CCDC91: variants seen among roughly 807,000 people sequenced by gnomAD.
CCDC91 encodes the protein coiled-coil domain-containing protein 91.
CCDC91 carries 48 observed loss-of-function variants against 63.2 expected under a neutral mutation model. The observed-to-expected ratio is 0.76, with a 90% confidence interval of 0.60 to 0.97. The LOEUF (loss-of-function observed/expected upper bound fraction) is 0.97, where lower values mean the gene tolerates loss of function less well. Among genes scored for constraint, CCDC91 ranks in the 50% least tolerant of loss-of-function variants. CCDC91 has a pLI of 0.00. For synonymous variants in CCDC91, 167 were observed against 165.8 expected, an observed-to-expected ratio of 1.01 and a Z score of -0.06; for missense variants, 500 against 494.6, an observed-to-expected ratio of 1.01 and a Z score of -0.10.
In CCDC91 at chr12:28,201,424, A is replaced by C. The variant is rs28378747; in HGVS notation, c.-15+10783A>C. ...GGCAGAGGCTCTCCCCACATCTCAG[A>C]CGATGGGCGGCCAGGCAGAGACGCT... On this transcript the variant is annotated intron_variant, in intron 1 of 12. Transcript: ENST00000536442. 4.6e-5 allele frequency among the ~76,000 whole-genome samples: 6 copies of C among 129,264 alleles called. No homozygotes were observed. In the South Asian group the frequency reaches 1.2e-3, roughly 26 times the overall value. The allele number at this position is 129,264 out of a possible 152,430, so 84.8% of individuals were successfully genotyped here.
chr12:28,444,486 A>T (rs1451729562), intron 8 of CCDC91, among the ~76,000 whole-genome samples: 6 of 152,202 alleles, frequency 3.9e-5, no homozygotes, highest in Non-Finnish European at 8.8e-5. Context: ...TTTAAGATGG[A>T]ATACTCTGCA....
chr12:28,445,211 A>G (rs555331587), intron 8 of CCDC91, among the ~76,000 whole-genome samples: 61 of 152,320 alleles, frequency 4.0e-4, no homozygotes, highest in Admixed American at 1.2e-3. Flanking sequence ...ACAGCATATT[A>G]TGGTGGGTAT....
intron 12 of CCDC91, among the ~76,000 whole-genome samples, chr12:28,531,931 G>A (rs556818829): frequency 2.6e-5 from 4 of 152,202 alleles, no homozygotes; most frequent in East Asian, 3.9e-4. Flanking sequence ...TAAGGAAGGA[G>A]CAGGGTAATG....
chr12:28,292,334 T>G (rs1363238239), intron 3 of CCDC91, among the ~76,000 whole-genome samples: 1 of 152,204 alleles, frequency 6.6e-6, no homozygotes, highest in African/African-American at 2.4e-5. Context: ...ATTTCACCCT[T>G]ATGGCTGATT....
intron 8 of CCDC91, among the ~76,000 whole-genome samples, chr12:28,446,810 G>A (rs1949524975): frequency 6.6e-6 from 1 of 152,134 alleles, no homozygotes; most frequent in African/African-American, 2.4e-5. Flanking sequence ...AAAGAACCAA[G>A]TAACTGCAAC....
At chr12:28,512,141 C>T (rs945357432) in intron 12 of CCDC91, among the ~76,000 whole-genome samples, 3 of 151,762 alleles carry the variant, frequency 2.0e-5, no homozygotes, top group African/African-American at 4.8e-5. Context: ...CATTCCTCTG[C>T]GAATAGGTTC....
chr12:28,354,148 G>A (rs973272576), intron 6 of CCDC91, among the ~76,000 whole-genome samples: 2 of 152,168 alleles, frequency 1.3e-5, no homozygotes, highest in African/African-American at 4.8e-5. Context: ...AGAAAATTAT[G>A]TTATGGAGGT....
At chr12:28,345,890 G>T (rs1239646206) in intron 6 of CCDC91, among the ~76,000 whole-genome samples, 1 of 151,910 alleles carries the variant, frequency 6.6e-6, no homozygotes, top group Non-Finnish European at 1.5e-5. Context: ...ACAGTATAAT[G>T]GTTATGTCAG....
At chr12:28,247,007 C>T (rs1945784988) in intron 1 of CCDC91, among the ~76,000 whole-genome samples, 1 of 152,180 alleles carries the variant, frequency 6.6e-6, no homozygotes, top group Non-Finnish European at 1.5e-5. Flanking sequence ...CCTTAGAAGT[C>T]CTCTGATCAG....
intron 8 of CCDC91, among the ~76,000 whole-genome samples, chr12:28,440,588 ATTGAAAAC>A (rs1198247893): frequency 6.6e-6 from 1 of 152,236 alleles, no homozygotes; most frequent in Non-Finnish European, 1.5e-5. Flanking sequence ...GGTTTATCTG[ATTGAAAAC>A]TTGAAAACTT....
At chr12:28,528,750 TG>T (rs1161157414) in intron 12 of CCDC91, among the ~76,000 whole-genome samples, 4 of 152,150 alleles carry the variant, frequency 2.6e-5, no homozygotes, top group African/African-American at 9.7e-5. Flanking sequence ...TTTTTATGTT[TG>T]TTTTTTTAGA....
intron 8 of CCDC91, among the ~76,000 whole-genome samples, chr12:28,407,996 T>G (rs1400601266): frequency 1.3e-5 from 2 of 150,928 alleles, no homozygotes; most frequent in African/African-American, 4.8e-5. Context: ...CTTTAAGTTC[T>G]GGGATACATG....
intron 3 of CCDC91, among the ~76,000 whole-genome samples, chr12:28,287,585 A>G (rs1437661253): frequency 6.6e-6 from 1 of 152,044 alleles, no homozygotes; most frequent in Non-Finnish European, 1.5e-5. Flanking sequence ...TTTTGTAGCA[A>G]TAGCATGCTG....
At chr12:28,503,872 A>G (rs34208133) in intron 12 of CCDC91, among the ~76,000 whole-genome samples, 31,412 of 150,648 alleles carry the variant, frequency 0.21, 4,252 homozygotes, top group Non-Finnish European at 0.31. Context: ...ACTCATAGGT[A>G]GGAATTGAAC....
intron 1 of CCDC91, among the ~76,000 whole-genome samples, chr12:28,240,720 T>G (rs1182367890): frequency 6.6e-6 from 1 of 152,134 alleles, no homozygotes; most frequent in Non-Finnish European, 1.5e-5. Flanking sequence ...TTATAGCTGA[T>G]AAGTATTACA....
At chr12:28,482,210 G>A (rs1951484546) in intron 11 of CCDC91, among the ~76,000 whole-genome samples, 1 of 151,794 alleles carries the variant, frequency 6.6e-6, no homozygotes, top group East Asian at 1.9e-4. Context: ...TTCTAAATTT[G>A]AATAACTTCA....
intron 6 of CCDC91, among the ~76,000 whole-genome samples, chr12:28,340,656 G>A (rs779713994): frequency 4.0e-4 from 61 of 152,126 alleles, no homozygotes; most frequent in Non-Finnish European, 1.6e-4. Context: ...TTGGTGGCCC[G>A]CTACTTATAC....
chr12:28,436,656 G>A (rs1948923655), intron 8 of CCDC91, among the ~76,000 whole-genome samples: 1 of 151,708 alleles, frequency 6.6e-6, no homozygotes, highest in Non-Finnish European at 1.5e-5. Context: ...ATGTCTTGTT[G>A]AGCAGATTTT....
intron 8 of CCDC91, among the ~76,000 whole-genome samples, chr12:28,409,259 T>C (rs1409411272): frequency 6.6e-6 from 1 of 152,200 alleles, no homozygotes; most frequent in Non-Finnish European, 1.5e-5. Flanking sequence ...TTTTTCTTTC[T>C]ATTCCTAGTT....
Sources: allele counts gnomAD v4.1 joint callset (sites outside exome capture counted in the v4.1 genomes callset), GRCh38; gene constraint gnomAD v4.1.1; transcripts MANE v1.5; gene names NCBI Gene and HGNC (gene_info 2026-07-23, HGNC 2026-07-21).